The following ZNF814 variants were observed in gnomAD, a reference collection of about 807,000 sequenced individuals.
ZNF814 encodes the protein zinc finger protein 814.
Under a neutral mutation model 7.5 loss-of-function variants are expected in ZNF814, and 5 were observed. The observed-to-expected ratio is 0.67, with a 90% confidence interval of 0.35 to 1.40. The LOEUF is 1.40. ZNF814 is among the 40% of genes most tolerant of loss of function. The pLI, the probability that ZNF814 is intolerant of heterozygous loss-of-function variation, is 0.04. For synonymous variants in ZNF814, 315 were observed against 340.7 expected (o/e 0.92, Z 0.83); for missense variants, 962 against 1,018.0 (o/e 0.94, Z 0.75).
At chr19:57,901,127 C>A in the ZNF814 span, among the ~76,000 whole-genome samples, 1 of 150,878 alleles carries the variant, frequency 6.6e-6, no homozygotes, top group Non-Finnish European at 1.5e-5. Context: ...TGAGCCACCG[C>A]GCCCAGCAGC....
At chr19:57,883,289 G>A (rs1232226748) in intron 1 of ZNF814, among the ~76,000 whole-genome samples, 1 of 150,038 alleles carries the variant, frequency 6.7e-6, no homozygotes, top group Non-Finnish European at 1.5e-5. Flanking sequence ...ACCCCAGGGG[G>A]GCAGAGCCTA....
the ZNF814 span, chr19:57,900,205 GC>G: frequency 1.3e-5 from 2 of 152,112 alleles, no homozygotes; most frequent in African/African-American, 4.8e-5. Flanking sequence ...TGAACTTATT[GC>G]TGTAATTACA....
At chr19:57,904,555 G>C in the ZNF814 span, among the ~76,000 whole-genome samples, 1 of 152,194 alleles carries the variant, frequency 6.6e-6, no homozygotes. Flanking sequence ...GACACTGCAG[G>C]TATCTGTCCC....
At chr19:57,897,853 T>C in the ZNF814 span, among the ~76,000 whole-genome samples, 3 of 152,218 alleles carry the variant, frequency 2.0e-5, no homozygotes, top group Non-Finnish European at 4.4e-5. Flanking sequence ...TAGTTGTTAG[T>C]TCCTCAACTC....
chr19:57,903,990 C>A, the ZNF814 span, among the ~76,000 whole-genome samples: 1 of 152,148 alleles, frequency 6.6e-6, no homozygotes, highest in African/African-American at 2.4e-5. Flanking sequence ...GGGTGGAAGG[C>A]TGCCCTGCCG....
chr19:57,897,568 C>T, the ZNF814 span, among the ~76,000 whole-genome samples: 1 of 152,244 alleles, frequency 6.6e-6, no homozygotes, highest in African/African-American at 2.4e-5. Flanking sequence ...CACCTCAGGC[C>T]CCTCAACAAA....
At chr19:57,902,944 G>C in the ZNF814 span, among the ~76,000 whole-genome samples, 1 of 152,060 alleles carries the variant, frequency 6.6e-6, no homozygotes, top group Non-Finnish European at 1.5e-5. Flanking sequence ...CTCCCAAAGT[G>C]CTGGGATTAC....
chr19:57,883,392 A>G (rs1185951475), intron 1 of ZNF814, among the ~76,000 whole-genome samples: 5 of 123,082 alleles, frequency 4.1e-5, no homozygotes, highest in Admixed American at 1.6e-4. Context: ...GCCAGGCATG[A>G]TGGCTCATGC....
rs752881840 is a variant in ZNF814, at chr19:57,873,018, T to G, written c.2372A>C (p.Lys791Thr). 3.5e-5 allele frequency: 56 copies of G among 1,613,754 alleles called. 1 individual carries two copies. The highest frequency in any genetic ancestry group is 4.4e-5 in the South Asian group (4 of 91,022). ...FAESSSFTKHKRVHTGEKPYE... is the reference protein window; with the variant it reads ...FAESSSFTKHTRVHTGEKPYE... Reference sequence around the variant, plus strand: ...AGGCTTTTCTCCAGTGTGAACTCTTTTGTGTTTTGTGAAACTGGAGCTTTC... The same window carrying G: ...AGGCTTTTCTCCAGTGTGAACTCTTGTGTGTTTTGTGAAACTGGAGCTTTC... Residue 791 changes from lysine to threonine, a missense_variant, in exon 3 of 3, where the codon AAA becomes ACA. By Grantham distance (78) the Lys-to-Thr change is moderately conservative (BLOSUM62 -1). Transcript: ENST00000435989.
At chr19:57,892,253 T>C (rs2071738428), upstream of ZNF814, among the ~76,000 whole-genome samples, 1 of 152,194 alleles carries the variant, frequency 6.6e-6, no homozygotes, top group Non-Finnish European at 1.5e-5. Context: ...TCATTGACAC[T>C]GAAGAAACCC....
chr19:57,903,312 A>T, the ZNF814 span, among the ~76,000 whole-genome samples: 2 of 152,208 alleles, frequency 1.3e-5, no homozygotes, highest in African/African-American at 4.8e-5. Context: ...TTTGTTGATA[A>T]ATGGAAAAAG....
rs906991640 is a variant in ZNF814, at chr19:57,869,593, G to C, written c.*3229C>G. 6.6e-6 allele frequency: 1 copy of C among 152,138 alleles called. No homozygotes were observed. The highest frequency in any genetic ancestry group is 2.4e-5 in the African/African-American group (1 of 41,424). The allele number at this position is 152,138 out of a possible 1,614,324, so 9.4% of individuals were successfully genotyped here. ...ATATGAAACTCAAGATTTATCACATGCTACAGCTTAAATATGCATAGCTTA... is the reference window on the plus strand; with the variant it reads ...ATATGAAACTCAAGATTTATCACATCCTACAGCTTAAATATGCATAGCTTA... On this transcript the variant is annotated 3_prime_UTR_variant, in exon 3 of 3. Coordinates refer to ENST00000435989, the MANE Select transcript of ZNF814 (RefSeq NM_001144989.2).
intron 1 of ZNF814, among the ~76,000 whole-genome samples, chr19:57,880,861 G>A (rs113154191): frequency 2.0e-5 from 3 of 150,934 alleles, no homozygotes; most frequent in South Asian, 2.1e-4. Context: ...CAGTTGATCC[G>A]CCTGCCTCAG....
At chr19:57,883,015 G>C (rs1274648732) in intron 1 of ZNF814, among the ~76,000 whole-genome samples, 3 of 152,170 alleles carry the variant, frequency 2.0e-5, no homozygotes, top group Non-Finnish European at 2.9e-5. Flanking sequence ...CAAACACGGA[G>C]AAAGAATTCA....
the ZNF814 span, among the ~76,000 whole-genome samples, chr19:57,902,392 C>A: frequency 6.6e-6 from 1 of 152,142 alleles, no homozygotes; most frequent in African/African-American, 2.4e-5. Context: ...TACATTCAGA[C>A]GGAAGCTGAT....
chr19:57,879,302 T>C (rs969971737), intron 1 of ZNF814, among the ~76,000 whole-genome samples: 3 of 151,250 alleles, frequency 2.0e-5, no homozygotes, highest in Non-Finnish European at 4.4e-5. Context: ...TCAGCAATGA[T>C]GACCTTTCCC....
intron 1 of ZNF814, 147 bp from the exon 2 acceptor site, chr19:57,877,189 C>A: frequency 1.6e-6 from 2 of 1,253,526 alleles, no homozygotes; most frequent in Non-Finnish European, 2.2e-6. Flanking sequence ...TGGGGTATAG[C>A]CACCAACAAT....
intron 1 of ZNF814, among the ~76,000 whole-genome samples, chr19:57,878,529 G>A (rs11084522): frequency 0.36 from 52,699 of 148,318 alleles, 10,891 homozygotes; most frequent in South Asian, 0.61. Flanking sequence ...GTGCAATCTC[G>A]GCTCACTGCA....
At chr19:57,885,997 CA>C (rs1226506958) in intron 1 of ZNF814, 4 of 140,886 alleles carry the variant, frequency 2.8e-5, no homozygotes, top group African/African-American at 5.3e-5. Flanking sequence ...AACAAAAAAA[CA>C]AAATAACTCC....
Sources: allele counts gnomAD v4.1 joint callset (sites outside exome capture counted in the v4.1 genomes callset), GRCh38; gene constraint gnomAD v4.1.1; transcripts MANE v1.5; gene names NCBI Gene and HGNC (gene_info 2026-07-23, HGNC 2026-07-21).